Variants in TAFA1 observed in about 807,000 individuals in gnomAD.
TAFA1 encodes the protein chemokine-like protein TAFA-1.
TAFA1 carries 4 observed loss-of-function variants against 18.5 expected under a neutral mutation model. That is an observed-to-expected ratio of 0.22 (90% CI 0.11 to 0.49). TAFA1 has a LOEUF of 0.49. Ranked by LOEUF, TAFA1 falls within the 20% of genes least tolerant of loss-of-function variation. The pLI, the probability that TAFA1 is intolerant of heterozygous loss-of-function variation, is 0.98. For synonymous variants in TAFA1, 56 were observed against 55.2 expected, an observed-to-expected ratio of 1.01 and a Z score of -0.06; for missense variants, 147 against 169.0, an observed-to-expected ratio of 0.87 and a Z score of 0.72.
At chr3:68,176,052 C>T (rs758133152) in intron 2 of TAFA1, among the ~76,000 whole-genome samples, 4 of 152,184 alleles carry the variant, frequency 2.6e-5, no homozygotes, top group Non-Finnish European at 4.4e-5. Context: ...ATGTGAGTTG[C>T]TCCTCTTTCC....
chr3:68,064,510 ACTG>A (rs1559722886), intron 2 of TAFA1, among the ~76,000 whole-genome samples: 1 of 152,230 alleles, frequency 6.6e-6, no homozygotes, highest in Admixed American at 6.5e-5. Context: ...CTAAAGTTCA[ACTG>A]CTGCTAAATG....
At chr3:68,369,943 G>T (rs1456365717) in intron 2 of TAFA1, among the ~76,000 whole-genome samples, 5 of 152,002 alleles carry the variant, frequency 3.3e-5, no homozygotes, top group Non-Finnish European at 4.4e-5. Context: ...TCAGGAAGCT[G>T]AATGCCGAAA....
chr3:68,478,570 G>A (rs112081695), intron 3 of TAFA1, among the ~76,000 whole-genome samples: 11 of 152,206 alleles, frequency 7.2e-5, no homozygotes, highest in Non-Finnish European at 1.0e-4. Context: ...CTGTGCCATC[G>A]TAGTTTATTA....
At chr3:68,344,873 G>A (rs1365363121) in intron 2 of TAFA1, among the ~76,000 whole-genome samples, 1 of 152,124 alleles carries the variant, frequency 6.6e-6, no homozygotes, top group African/African-American at 2.4e-5. Flanking sequence ...GAAATAGAGA[G>A]TGAAGCTCTC....
intron 2 of TAFA1, among the ~76,000 whole-genome samples, chr3:68,397,484 C>T (rs1225299238): frequency 6.6e-6 from 1 of 152,196 alleles, no homozygotes; most frequent in Non-Finnish European, 1.5e-5. Context: ...CTGCAAAGGA[C>T]ATAAACTCAT....
At chr3:68,154,861 G>A (rs910192206) in intron 2 of TAFA1, among the ~76,000 whole-genome samples, 4 of 152,128 alleles carry the variant, frequency 2.6e-5, no homozygotes, top group African/African-American at 9.7e-5. Context: ...CATAATGGAG[G>A]AAGAGAGCAT....
At chr3:68,063,185 T>TA (rs2064627724) in intron 2 of TAFA1, among the ~76,000 whole-genome samples, 1 of 152,162 alleles carries the variant, frequency 6.6e-6, no homozygotes, top group South Asian at 2.1e-4. Context: ...AAATTCACAT[T>TA]AAAAAGGAAA....
At chr3:68,259,304 T>C (rs1418833997) in intron 2 of TAFA1, among the ~76,000 whole-genome samples, 1 of 152,128 alleles carries the variant, frequency 6.6e-6, no homozygotes, top group Non-Finnish European at 1.5e-5. Flanking sequence ...CTCCACAAAT[T>C]AGGATGCAAA....
chr3:68,323,951 C>T (rs1320999024), intron 2 of TAFA1, among the ~76,000 whole-genome samples: 1 of 152,138 alleles, frequency 6.6e-6, no homozygotes, highest in Non-Finnish European at 1.5e-5. Flanking sequence ...CCTATGTCTC[C>T]AAGACTCCAG....
intron 2 of TAFA1, among the ~76,000 whole-genome samples, chr3:68,015,524 G>T (rs905702250): frequency 3.3e-5 from 5 of 152,242 alleles, no homozygotes; most frequent in South Asian, 4.1e-4. Flanking sequence ...CTGACCTCAG[G>T]TGATCCGCCC....
chr3:68,016,909 A>G (rs566317054), intron 2 of TAFA1, among the ~76,000 whole-genome samples: 1 of 152,260 alleles, frequency 6.6e-6, no homozygotes, highest in African/African-American at 2.4e-5. Context: ...TTTGTGATTC[A>G]TACAAATTTT....
intron 2 of TAFA1, among the ~76,000 whole-genome samples, chr3:68,185,264 G>A (rs748272684): frequency 4.6e-5 from 7 of 152,026 alleles, no homozygotes; most frequent in Admixed American, 6.6e-5. Context: ...GGGAAAGGAC[G>A]TTTCCAAATA....
intron 2 of TAFA1, among the ~76,000 whole-genome samples, chr3:68,312,636 T>C (rs1171021086): frequency 6.6e-6 from 1 of 152,176 alleles, no homozygotes; most frequent in Non-Finnish European, 1.5e-5. Context: ...TTATTGTCCA[T>C]ATCACTATGA....
At chr3:68,287,916 G>GC (rs1414577138) in intron 2 of TAFA1, among the ~76,000 whole-genome samples, 1 of 130,930 alleles carries the variant, frequency 7.6e-6, no homozygotes, top group Non-Finnish European at 1.6e-5. Context: ...TTGGGGGGTG[G>GC]GGGGGCTTTT....
At chr3:68,370,468 G>GTA (rs2069674057) in intron 2 of TAFA1, among the ~76,000 whole-genome samples, 2 of 16,614 alleles carry the variant, frequency 1.2e-4, no homozygotes, top group Non-Finnish European at 2.0e-4. Context: ...GTGTGTGTGT[G>GTA]TGTGTATATA....
chr3:68,425,146 C>A (rs2071026933), intron 3 of TAFA1, among the ~76,000 whole-genome samples: 1 of 151,914 alleles, frequency 6.6e-6, no homozygotes, highest in South Asian at 2.1e-4. Context: ...GTATGAAAAA[C>A]CCTAAGCCCC....
At chr3:68,077,745 T>G (rs1053813881) in intron 2 of TAFA1, among the ~76,000 whole-genome samples, 3 of 151,660 alleles carry the variant, frequency 2.0e-5, no homozygotes, top group Non-Finnish European at 4.4e-5. Flanking sequence ...GGTAGTGTGA[T>G]GCCTCCAGCT....
intron 2 of TAFA1, among the ~76,000 whole-genome samples, chr3:68,054,992 T>G (rs981270108): frequency 6.6e-6 from 1 of 152,124 alleles, no homozygotes; most frequent in Non-Finnish European, 1.5e-5. Context: ...GATATGTACC[T>G]CTATGCCTTG....
intron 2 of TAFA1, among the ~76,000 whole-genome samples, chr3:68,067,006 C>T (rs916284482): frequency 2.0e-5 from 3 of 152,090 alleles, no homozygotes; most frequent in East Asian, 1.9e-4. Flanking sequence ...TCAAGCAAGA[C>T]GGCCAGCTCC....
Sources: gnomAD v4.1 joint callset for allele counts (sites outside exome capture counted in the v4.1 genomes callset) on GRCh38, gnomAD v4.1.1 for gene constraint, MANE v1.5 for transcripts, NCBI Gene and HGNC (gene_info 2026-07-23, HGNC 2026-07-21) for gene names.